AP4E1: variants seen among roughly 807,000 people sequenced by gnomAD.
The protein encoded by AP4E1 is AP-4 complex subunit epsilon-1.
AP4E1 carries 56 observed loss-of-function variants against 128.2 expected under a neutral mutation model. The observed-to-expected ratio is 0.44, with a 90% CI of 0.35 to 0.55. The LOEUF is 0.55. AP4E1 is among the 20% of genes least tolerant of loss of function. The pLI is 0.00. For missense variants in AP4E1, 1,324 were observed against 1,307.7 expected (o/e 1.01, Z -0.19); for synonymous variants, 484 against 473.1 (o/e 1.02, Z -0.30).
intron 3 of AP4E1, among the ~76,000 whole-genome samples, chr15:50,919,654 T>A (rs1596456839): frequency 6.6e-6 from 1 of 152,302 alleles, no homozygotes; most frequent in East Asian, 1.9e-4. Context: ...TTAAAGGGGA[T>A]CTCAGAGTTA....
intron 2 of AP4E1, among the ~76,000 whole-genome samples, chr15:50,912,916 A>C (rs1365497933): frequency 6.6e-6 from 1 of 152,124 alleles, no homozygotes; most frequent in Non-Finnish European, 1.5e-5. Context: ...CACCCACCTC[A>C]GCCTCCTAAA....
chr15:50,981,728 A>G (rs1267408349), intron 15 of AP4E1, among the ~76,000 whole-genome samples: 1 of 152,220 alleles, frequency 6.6e-6, no homozygotes, highest in East Asian at 1.9e-4. Flanking sequence ...AGAGGTGATT[A>G]GGTCACGAGG....
chr15:50,997,262 A>G, intron 17 of AP4E1, 64 bp from the exon 18 acceptor site: 1 of 1,361,408 alleles, frequency 7.3e-7, no homozygotes, highest in South Asian at 1.5e-5. Context: ...ATTATAGATG[A>G]ATGTTTAAAA....
At chr15:50,995,597 G>T (rs562265272) in intron 17 of AP4E1, among the ~76,000 whole-genome samples, 8 of 151,956 alleles carry the variant, frequency 5.3e-5, no homozygotes, top group Middle Eastern at 3.2e-3. Flanking sequence ...TGTTGGCCAG[G>T]CTGGTCTCAA....
In AP4E1 at chr15:51,003,706, A is replaced by G. The variant is rs1168214063; in HGVS notation, c.*1044A>G. 1 of 152,682 alleles carries G rather than the reference A, an allele frequency of 6.5e-6. No individual in the cohort carries two copies. The highest frequency in any genetic ancestry group is 1.5e-5 in the Non-Finnish European group (1 of 68,042). The allele number at this position is 152,682 out of a possible 1,614,324, so 9.5% of individuals were successfully genotyped here. A position where few individuals can be genotyped will look rare whatever the true frequency, so the allele number is the denominator to read the frequency against. ...TAAGCCTATATATGAATGATGGACCAAAACCTTGAGGTTGTACATTAACTG... is the reference window on the plus strand; with the variant it reads ...TAAGCCTATATATGAATGATGGACCGAAACCTTGAGGTTGTACATTAACTG... On this transcript the variant is annotated 3_prime_UTR_variant, in exon 21 of 21. Coordinates refer to ENST00000261842, the MANE Select transcript of AP4E1 (RefSeq NM_007347.5).
At chr15:50,923,420 G>T (rs1267850541) in intron 3 of AP4E1, among the ~76,000 whole-genome samples, 1 of 152,088 alleles carries the variant, frequency 6.6e-6, no homozygotes, top group Non-Finnish European at 1.5e-5. Context: ...AGAAAATAAG[G>T]TATTGTGTGT....
At chr15:50,974,817 T>A (rs2140902926) in intron 15 of AP4E1, among the ~76,000 whole-genome samples, 1 of 152,330 alleles carries the variant, frequency 6.6e-6, no homozygotes, top group Admixed American at 6.5e-5. Context: ...GTGTATGTCT[T>A]CTTTAGAGAA....
At chr15:50,923,029 G>A (rs888241888) in intron 3 of AP4E1, among the ~76,000 whole-genome samples, 16 of 151,998 alleles carry the variant, frequency 1.1e-4, no homozygotes, top group African/African-American at 1.9e-4. Context: ...CACCCACCTC[G>A]GCCTCCCAAA....
intron 13 of AP4E1, among the ~76,000 whole-genome samples, chr15:50,950,522 A>G (rs1437766715): frequency 1.3e-5 from 2 of 152,206 alleles, no homozygotes; most frequent in African/African-American, 2.4e-5. Flanking sequence ...TTAACCAAAT[A>G]GAAGGAGGTT....
intron 15 of AP4E1, among the ~76,000 whole-genome samples, chr15:50,970,657 T>C (rs899374123): frequency 1.3e-5 from 2 of 152,220 alleles, no homozygotes; most frequent in Non-Finnish European, 2.9e-5. Flanking sequence ...AAATCTGTTT[T>C]GTTTGTTATT....
chr15:50,963,165 A>G (rs1239434011), intron 14 of AP4E1, among the ~76,000 whole-genome samples: 5 of 151,418 alleles, frequency 3.3e-5, no homozygotes, highest in African/African-American at 1.2e-4. Flanking sequence ...TAAGATAGCC[A>G]TTATAGAAAA....
At chr15:50,919,637 G>A (rs911042618) in intron 3 of AP4E1, among the ~76,000 whole-genome samples, 4 of 152,016 alleles carry the variant, frequency 2.6e-5, no homozygotes, top group African/African-American at 9.7e-5. Context: ...AGTTATGGAT[G>A]CTTATATTAA....
At chr15:50,913,227 T>C (rs1343815706) in intron 2 of AP4E1, among the ~76,000 whole-genome samples, 1 of 152,224 alleles carries the variant, frequency 6.6e-6, no homozygotes, top group African/African-American at 2.4e-5. Context: ...GATATATCCA[T>C]GTGTATATAT....
At chr15:50,953,574 C>T (rs1043636814) in intron 13 of AP4E1, among the ~76,000 whole-genome samples, 4 of 152,174 alleles carry the variant, frequency 2.6e-5, no homozygotes, top group Admixed American at 6.5e-5. Context: ...CTGTTAGTCA[C>T]TTAGTAGCTG....
At chr15:50,949,444 A>C (rs957978409) in intron 11 of AP4E1, among the ~76,000 whole-genome samples, 1 of 151,776 alleles carries the variant, frequency 6.6e-6, no homozygotes, top group African/African-American at 2.4e-5. Flanking sequence ...AAAAGAAAAG[A>C]TACTAAACAA....
chr15:51,002,524 T>A lies in AP4E1; in HGVS notation c.3276T>A (p.Cys1092Ter). The A allele has an allele frequency of 6.2e-7, 1 of 1,614,186 alleles. No individual in the cohort carries two copies. Among genetic ancestry groups the A allele is most frequent in the Non-Finnish European group, 8.5e-7 (1 of 1,180,008 alleles). The change falls in exon 21 of 21, where the codon TGT becomes TGA. Residue 1092 changes from cysteine to a stop codon, truncating the protein, a stop_gained. Transcript: ENST00000261842. LOFTEE classifies it high-confidence loss of function. ...EIIGNEGLLA[C>*]QLLPSIPCLL... ...TAGGCAATGAAGGGCTATTGGCCTG[T>A]CAGCTGCTCCCATCCATCCCCTGCT...
intron 15 of AP4E1, among the ~76,000 whole-genome samples, chr15:50,982,700 A>AT (rs869212781): frequency 6.8e-6 from 1 of 148,144 alleles, no homozygotes; most frequent in Admixed American, 6.8e-5. Flanking sequence ...CATCATTATT[A>AT]TTTTTTTACA....
At chr15:50,979,480 T>C (rs1387188485) in intron 15 of AP4E1, among the ~76,000 whole-genome samples, 1 of 152,202 alleles carries the variant, frequency 6.6e-6, no homozygotes, top group African/African-American at 2.4e-5. Flanking sequence ...GATGCCATGC[T>C]CTTAGATAGC....
intron 3 of AP4E1, among the ~76,000 whole-genome samples, chr15:50,916,440 A>G (rs2063632266): frequency 6.6e-6 from 1 of 152,254 alleles, no homozygotes; most frequent in Non-Finnish European, 1.5e-5. Context: ...CTTTTAAGCA[A>G]TTAAATATTC....
Sources: gnomAD v4.1 joint callset for allele counts (sites outside exome capture counted in the v4.1 genomes callset) on GRCh38, gnomAD v4.1.1 for gene constraint, MANE v1.5 for transcripts, NCBI Gene and HGNC (gene_info 2026-07-23, HGNC 2026-07-21) for gene names.